Variants in CDCA8 observed in about 807,000 individuals in gnomAD.
The protein encoded by CDCA8 is cell division cycle associated 8.
A neutral mutation model predicts 40.0 loss-of-function variants in CDCA8; 25 were observed. The observed-to-expected ratio is 0.63, with a 90% confidence interval of 0.46 to 0.87. The LOEUF (loss-of-function observed/expected upper bound fraction) is 0.87. Ranked by LOEUF, CDCA8 falls within the 40% of genes least tolerant of loss-of-function variation. CDCA8 has a pLI of 0.00. For missense variants in CDCA8, 280 were observed against 348.4 expected, an observed-to-expected ratio of 0.80 and a Z score of 1.56; for synonymous variants, 111 against 126.5, an observed-to-expected ratio of 0.88 and a Z score of 0.82.
chr1:37,706,051 C>T (rs1388107149), intron 8 of CDCA8, among the ~76,000 whole-genome samples: 3 of 150,494 alleles, frequency 2.0e-5, no homozygotes, highest in Admixed American at 6.6e-5. Flanking sequence ...CCTCGTGATC[C>T]GCCCTCCTCG....
At chr1:37,707,865 A>T (rs1031958987) in intron 9 of CDCA8, among the ~76,000 whole-genome samples, 2 of 152,224 alleles carry the variant, frequency 1.3e-5, no homozygotes, top group South Asian at 4.1e-4. Context: ...GAAGAATGTA[A>T]TGGCTCCGCC....
At chr1:37,702,062 C>T (rs1040134125) in intron 6 of CDCA8, among the ~76,000 whole-genome samples, 55 of 119,634 alleles carry the variant, frequency 4.6e-4, no homozygotes, top group Non-Finnish European at 6.7e-4. Context: ...TTTTTTGAGA[C>T]GGAGTTTCAA....
At chr1:37,707,712 C>T (rs991716590) in intron 9 of CDCA8, among the ~76,000 whole-genome samples, 1 of 152,216 alleles carries the variant, frequency 6.6e-6, no homozygotes, top group Admixed American at 6.5e-5. Context: ...CCCTGCAGCT[C>T]AGGAGGCTCA....
Position 37,692,611 on chromosome 1 carries a change from C to A in CDCA8, c.-80C>A, listed in dbSNP as rs1645474077. 2 of 1,156,320 alleles carry A rather than the reference C, an allele frequency of 1.7e-6. No homozygotes were observed. Among genetic ancestry groups the A allele is most frequent in the Admixed American group, 3.9e-5 (2 of 50,898 alleles). 71.6% of individuals were successfully genotyped at this position (1,156,320 alleles called of 1,614,324 possible). A position where few individuals can be genotyped will look rare whatever the true frequency, so the allele number is the denominator to read the frequency against. ...CCTGGCGACTTCTTCGGGTGGTCCC[C>A]GTCCGCCCTCCTCGTCCCTACCCAG... On this transcript the variant is annotated 5_prime_UTR_variant, in exon 1 of 10. Coordinates refer to ENST00000373055, the MANE Select transcript of CDCA8 (RefSeq NM_001256875.2).
rs189458499 is a variant in CDCA8 at position 37,709,574 on chromosome 1, A to T, written c.*1208A>T. On this transcript the variant is annotated 3_prime_UTR_variant, in exon 10 of 10. Coordinates refer to ENST00000373055, the MANE Select transcript of CDCA8 (RefSeq NM_001256875.2). Reference sequence around the variant, plus strand: ...CATTTTAGTAAAACAGTCCTGTTCAAGTTGTATTCTTTTAAGTTCTTTTAT... The same window carrying T: ...CATTTTAGTAAAACAGTCCTGTTCATGTTGTATTCTTTTAAGTTCTTTTAT... 6.6e-6 allele frequency: 1 copy of T among 152,142 alleles called. No individual in the cohort carries two copies. Among genetic ancestry groups the T allele is most frequent in the Non-Finnish European group, 1.5e-5 (1 of 68,024 alleles). The allele number at this position is 152,142 out of a possible 1,614,324, so 9.4% of individuals were successfully genotyped here.
In CDCA8 at chr1:37,705,494, A is replaced by G. The variant is rs1157305874; in HGVS notation, c.638A>G (p.Asn213Ser). The G allele has an allele frequency of 3.1e-6, 5 of 1,614,018 alleles. No homozygotes were observed. The highest frequency in any genetic ancestry group is 4.2e-6 in the Non-Finnish European group (5 of 1,180,006). ...RTPAAGERIY[N>S]ISGNGSPLAD... ...CCAGCAGCAGGAGAGCGGATTTACAACATCTCAGGGAATGGCAGCCCTCTT... is the reference window on the plus strand; with the variant it reads ...CCAGCAGCAGGAGAGCGGATTTACAGCATCTCAGGGAATGGCAGCCCTCTT... Residue 213 changes from asparagine (N) to serine (S), a missense_variant, in exon 8 of 10, where the codon AAC (asparagine) becomes AGC (serine). Physicochemically the swap from Asn to Ser is conservative, Grantham distance 46. Coordinates refer to ENST00000373055, the MANE Select transcript of CDCA8 (RefSeq NM_001256875.2).
intron 6 of CDCA8, 96 bp downstream of exon 6, chr1:37,701,914 C>A: frequency 1.1e-6 from 1 of 905,348 alleles, no homozygotes. Flanking sequence ...GCTCTGGTGG[C>A]TAGTGTTTGA....
intron 8 of CDCA8, 127 bp downstream of exon 8, chr1:37,705,694 C>G (rs1024569277): frequency 1.9e-6 from 2 of 1,075,514 alleles, no homozygotes; most frequent in Non-Finnish European, 2.7e-6. Flanking sequence ...CTCCACACTT[C>G]TGCGGGACTC....
intron 9 of CDCA8, 89 bp from the exon 10 acceptor site, chr1:37,708,233 A>G (rs1312234176): frequency 9.0e-7 from 1 of 1,106,842 alleles, no homozygotes; most frequent in African/African-American, 1.5e-5. Context: ...CAGATAGAGA[A>G]TGGAGGGGCT....
rs71701232 is a variant in CDCA8 at position 37,701,673 on chromosome 1, TAAAAA to T, written c.424-69_424-65del. On this transcript the variant is annotated intron_variant, in intron 5 of 9. Transcript: ENST00000373055. ...TATCCAAAGCTTGTTCTTAATGCTT[TAAAAA>T]AAAAAAAAAAACCCTCCTTACCTTC... 4.6e-6 allele frequency: 3 copies of T among 648,898 alleles called. No homozygotes were observed. In the South Asian group the frequency reaches 6.2e-5, roughly 13 times the overall value. 40.2% of individuals were successfully genotyped at this position (648,898 alleles called of 1,614,324 possible).
rs1018352856 is a variant in CDCA8 at position 37,707,061 on chromosome 1, C to G, written c.795C>G (p.Leu265=). The G allele has an allele frequency of 6.2e-7, 1 of 1,612,652 alleles. No homozygotes were observed. The highest frequency in any genetic ancestry group is 1.3e-5 in the African/African-American group (1 of 74,892). The change falls in exon 9 of 10, where the codon CTC becomes CTG. Residue 265 remains leucine, a synonymous_variant. Coordinates refer to ENST00000373055, the MANE Select transcript of CDCA8 (RefSeq NM_001256875.2). ...AGGCCTTGGGAAACATTAAGAAGCT[C>G]TCCGTAAGTCTCATATTCATCTCCA... is the stretch of plus-strand genomic sequence containing the variant. ...DPEALGNIKK[L]SNRLAQICSS... is the part of the protein sequence containing the mutation.
At position 37,700,483 on chromosome 1, in the gene CDCA8, GA is replaced by G; in HGVS notation, c.387del (p.Glu130LysfsTer59). 3.7e-6 allele frequency: 6 copies of G among 1,612,136 alleles called. No individual in the cohort carries two copies. The highest frequency in any genetic ancestry group is 5.1e-6 in the Non-Finnish European group (6 of 1,178,304). On this transcript the variant is annotated frameshift_variant, in exon 5 of 10. Coordinates refer to ENST00000373055, the MANE Select transcript of CDCA8 (RefSeq NM_001256875.2). LOFTEE classifies it high-confidence loss of function. ...TGAAATGATAGTGGAAGAGGAAGAA[GA>G]AGAAGAAAATGAACGTAAGAATCTT... is the stretch of plus-strand genomic sequence containing the variant. ...VDEMIVEEEE[E>X]EENERKNLQT...
intron 7 of CDCA8, among the ~76,000 whole-genome samples, chr1:37,704,678 C>T (rs544589204): frequency 1.7e-5 from 2 of 120,458 alleles, no homozygotes; most frequent in African/African-American, 3.1e-5. Context: ...GACGGAGTCT[C>T]GCTCTGTCAC....
At chr1:37,695,252 G>T (rs1234778323) in intron 2 of CDCA8, among the ~76,000 whole-genome samples, 1 of 151,528 alleles carries the variant, frequency 6.6e-6, no homozygotes. Flanking sequence ...GCAGGGCATA[G>T]GGTGGGGATT....
At chr1:37,703,200 C>A in intron 6 of CDCA8, 52 bp from the exon 7 acceptor site, 1 of 1,384,424 alleles carries the variant, frequency 7.2e-7, no homozygotes, top group Non-Finnish European at 1.0e-6. Context: ...TCTGCTGCTG[C>A]CTTCGTGGAA....
intron 8 of CDCA8, 82 bp downstream of exon 8, chr1:37,705,649 C>T: frequency 1.3e-6 from 2 of 1,534,348 alleles, no homozygotes; most frequent in South Asian, 1.2e-5. Context: ...ACCCACGCTT[C>T]ACCCTCAGAG....
Position 37,703,329 on chromosome 1 carries a change from C to T in CDCA8, c.566C>T (p.Thr189Ile). The T allele has an allele frequency of 6.2e-7, 1 of 1,613,304 alleles. No individual in the cohort carries two copies. Among genetic ancestry groups the T allele is most frequent in the South Asian group, 1.1e-5 (1 of 91,062 alleles). ...VSMVKPTPGL[T>I]PRFDSRVFKT... ...ATGGTCAAACCAACTCCAGGCCTGA[C>T]ACCCAGGTTTGACTCAAGGTGAGTA... Residue 189 changes from threonine (T) to isoleucine (I), a missense_variant, in exon 7 of 10, where the codon ACA (threonine) becomes ATA (isoleucine). Transcript: ENST00000373055.
chr1:37,701,303 G>A (rs1645561594), intron 5 of CDCA8, among the ~76,000 whole-genome samples: 2 of 152,104 alleles, frequency 1.3e-5, no homozygotes, highest in Non-Finnish European at 2.9e-5. Flanking sequence ...AGTTAGAGAA[G>A]CAGGAAAGAC....
intron 2 of CDCA8, 64 bp downstream of exon 2, chr1:37,693,097 C>G: frequency 6.9e-7 from 1 of 1,459,770 alleles, no homozygotes; most frequent in Non-Finnish European, 9.5e-7. Context: ...TGACACCCTT[C>G]AGAAAGGGCT....
Sources: gnomAD v4.1 joint callset for allele counts (sites outside exome capture counted in the v4.1 genomes callset) on GRCh38, gnomAD v4.1.1 for gene constraint, MANE v1.5 for transcripts, NCBI Gene and HGNC (gene_info 2026-07-23, HGNC 2026-07-21) for gene names.